DNAH7: variants seen among roughly 807,000 people sequenced by gnomAD.
DNAH7 encodes the protein axonemal beta dynein heavy chain 7.
Under a neutral mutation model 444.6 loss-of-function variants are expected in DNAH7, and 397 were observed. The ratio of observed to expected loss-of-function variants is 0.89; its 90% CI spans 0.82 to 0.97. The LOEUF is 0.97. Ranked by LOEUF, DNAH7 falls within the 50% of genes least tolerant of loss-of-function variation. DNAH7 has a pLI of 0.00. For synonymous variants in DNAH7, 1,636 were observed against 1,624.4 expected, an observed-to-expected ratio of 1.01 and a Z score of -0.17; for missense variants, 4,902 against 4,800.8, an observed-to-expected ratio of 1.02 and a Z score of -0.62.
At position 196,027,990 on chromosome 2, in the gene DNAH7, C is replaced by A. The variant is rs373314651; in HGVS notation, c.456G>T (p.Pro152=). 6.2e-7 allele frequency: 1 copy of A among 1,611,878 alleles called. No homozygotes were observed. The highest frequency in any genetic ancestry group is 1.1e-5 in the South Asian group (1 of 90,788). ...AVPDGSTIPK[P]TASAIEKDIL... is the part of the protein sequence containing the mutation. ...TGTCTTTCTCTATAGCAGAAGCGGT[C>A]GGTTTTGGAATTGTGCTTCCATCAG... is the stretch of plus-strand genomic sequence containing the variant. Residue 152 remains proline (P), a synonymous_variant, in exon 6 of 65, where the codon CCG becomes CCT. Coordinates refer to ENST00000312428, the MANE Select transcript of DNAH7 (RefSeq NM_018897.3).
intron 49 of DNAH7, among the ~76,000 whole-genome samples, chr2:195,818,562 C>A (rs1269099758): frequency 6.6e-6 from 1 of 152,184 alleles, no homozygotes; most frequent in Non-Finnish European, 1.5e-5. Flanking sequence ...ATTGCTCCCA[C>A]AATCCTTTCC....
At chr2:195,925,020 T>C (rs375854331) in intron 22 of DNAH7, among the ~76,000 whole-genome samples, 1 of 152,128 alleles carries the variant, frequency 6.6e-6, no homozygotes. Flanking sequence ...GTGGCAGCAA[T>C]GAAACTAAAA....
Position 195,891,451 on chromosome 2 carries a change from A to G in DNAH7, c.5046+204T>C, listed in dbSNP as rs76228366. ...TCTACCCTCTCTTCTGTATTCCTCC[A>G]GGGTAAAGGAGCTTGGTCTCTGGCA... On this transcript the variant is annotated intron_variant, in intron 31 of 64. Transcript: ENST00000312428. Among the ~76,000 whole-genome samples the G allele has an allele frequency of 9.7e-3, 1,474 of 151,570 alleles. 23 individuals are homozygous for G. The highest frequency in any genetic ancestry group is 0.033 in the African/African-American group (1,376 of 41,292).
At chr2:195,998,916 C>G (rs1693868333) in intron 12 of DNAH7, 1 of 499,234 alleles carries the variant, frequency 2.0e-6, no homozygotes, top group Non-Finnish European at 3.6e-6. Flanking sequence ...TCTAAGGGAC[C>G]AAAATGAGAG....
intron 17 of DNAH7, 52 bp downstream of exon 17, chr2:195,969,895 CA>C: frequency 1.3e-6 from 2 of 1,555,748 alleles, no homozygotes; most frequent in Non-Finnish European, 1.7e-6. Context: ...AAAACGAATT[CA>C]ATGCTTTTTC....
chr2:196,051,184 T>A lies in DNAH7; in HGVS notation c.141+3A>T. The A allele has an allele frequency of 6.2e-7, 1 of 1,612,584 alleles. No individual in the cohort carries two copies. Among genetic ancestry groups the A allele is most frequent in the Non-Finnish European group, 8.5e-7 (1 of 1,178,896 alleles). ...TCAATGAGAATATATTTGGATAAGTTACCATAGACAGCTGTGGTAAAGCTC... is the reference window on the plus strand; with the variant it reads ...TCAATGAGAATATATTTGGATAAGTAACCATAGACAGCTGTGGTAAAGCTC... On this transcript the variant is annotated splice_donor_region_variant and intron_variant, in intron 3 of 64. Transcript: ENST00000312428.
At chr2:195,795,056 G>A (rs1025899251) in intron 56 of DNAH7, among the ~76,000 whole-genome samples, 1 of 152,162 alleles carries the variant, frequency 6.6e-6, no homozygotes, top group Non-Finnish European at 1.5e-5. Context: ...TCTGGAGACA[G>A]ATGAACCATA....
At position 195,806,825 on chromosome 2, in the gene DNAH7, T is replaced by A; in HGVS notation, c.10091A>T (p.His3364Leu). Residue 3364 changes from histidine to leucine, a missense_variant, in exon 54 of 65, where the codon CAC (histidine) becomes CTC (leucine). Transcript: ENST00000312428. Reference protein sequence around the residue: ...WKKVYDSLEPHHEVFPEEWED... With the variant: ...WKKVYDSLEPLHEVFPEEWED... ...CCATTCTTCAGGGAAAACCTCATGG[T>A]GTGGTTCCTAAAATTACAGTGTAAA... 7 of 1,612,830 alleles carry A rather than the reference T, an allele frequency of 4.3e-6. No individual in the cohort carries two copies. The highest frequency in any genetic ancestry group is 5.9e-6 in the Non-Finnish European group (7 of 1,179,264).
intron 14 of DNAH7, among the ~76,000 whole-genome samples, chr2:195,985,589 C>T (rs1478026795): frequency 6.6e-6 from 1 of 152,100 alleles, no homozygotes; most frequent in East Asian, 1.9e-4. Context: ...AAGTGGAAGG[C>T]ATTCATATCT....
At chr2:195,749,470 TC>T in intron 63 of DNAH7, among the ~76,000 whole-genome samples, 1 of 152,184 alleles carries the variant, frequency 6.6e-6, no homozygotes, top group Non-Finnish European at 1.5e-5. Context: ...GACCCACCCA[TC>T]CCATTACTGG....
At chr2:195,744,020 T>G (rs1301616432) in intron 63 of DNAH7, among the ~76,000 whole-genome samples, 1 of 152,146 alleles carries the variant, frequency 6.6e-6, no homozygotes, top group East Asian at 1.9e-4. Context: ...TGCAGGACAG[T>G]GGGTGCAGCG....
At chr2:195,975,080 C>T (rs1296210449) in intron 15 of DNAH7, among the ~76,000 whole-genome samples, 1 of 152,160 alleles carries the variant, frequency 6.6e-6, no homozygotes, top group Non-Finnish European at 1.5e-5. Context: ...TGATCATTCT[C>T]CCCATAGAAA....
chr2:195,749,583 A>G (rs1303855659), intron 63 of DNAH7, among the ~76,000 whole-genome samples: 2 of 151,896 alleles, frequency 1.3e-5, no homozygotes, highest in Non-Finnish European at 2.9e-5. Flanking sequence ...GAACCAACCC[A>G]AATGTCCAAC....
At chr2:196,006,396 A>ATACG (rs1694376579) in intron 10 of DNAH7, among the ~76,000 whole-genome samples, 1 of 152,214 alleles carries the variant, frequency 6.6e-6, no homozygotes. Flanking sequence ...AATCAATGTA[A>ATACG]TACGCCATAT....
chr2:195,942,168 A>G (rs1167135129), intron 19 of DNAH7, among the ~76,000 whole-genome samples: 1 of 152,174 alleles, frequency 6.6e-6, no homozygotes, highest in African/African-American at 2.4e-5. Context: ...AAAAAGTCAA[A>G]GGTGGGTTAA....
At chr2:195,873,472 T>C in intron 39 of DNAH7, 96 bp downstream of exon 39, 1 of 793,222 alleles carries the variant, frequency 1.3e-6, no homozygotes, top group Non-Finnish European at 1.8e-6. Flanking sequence ...TATCTAGGAA[T>C]GCTTTTGTTC....
chr2:195,961,820 A>T (rs1282732250), intron 17 of DNAH7, among the ~76,000 whole-genome samples: 3 of 152,166 alleles, frequency 2.0e-5, no homozygotes, highest in Non-Finnish European at 4.4e-5. Flanking sequence ...AAAAAGTATT[A>T]TATTGCAAAA....
chr2:195,991,463 C>T (rs910960469), intron 12 of DNAH7, among the ~76,000 whole-genome samples: 4 of 152,024 alleles, frequency 2.6e-5, no homozygotes, highest in Non-Finnish European at 5.9e-5. Flanking sequence ...AAAACAAGAA[C>T]CACAACAAAA....
At chr2:195,801,229 C>A (rs879033473) in intron 54 of DNAH7, among the ~76,000 whole-genome samples, 5 of 152,052 alleles carry the variant, frequency 3.3e-5, no homozygotes, top group Admixed American at 3.3e-4. Context: ...CAGACTAAGA[C>A]TATTATCTAA....
Sources: gnomAD v4.1 joint callset for allele counts (sites outside exome capture counted in the v4.1 genomes callset) on GRCh38, gnomAD v4.1.1 for gene constraint, MANE v1.5 for transcripts, NCBI Gene and HGNC (gene_info 2026-07-23, HGNC 2026-07-21) for gene names.